The following ADGRG7 variants were observed in gnomAD, a reference collection of about 807,000 sequenced individuals.
ADGRG7 encodes the protein adhesion G protein-coupled receptor G7.
A neutral mutation model predicts 88.6 loss-of-function variants in ADGRG7; 82 were observed. That is an observed-to-expected ratio of 0.93 (90% CI 0.77 to 1.11). The LOEUF is 1.11. Among genes scored for constraint, ADGRG7 ranks in the 50% most tolerant of loss-of-function variants. The pLI is 0.00. For missense variants in ADGRG7, 945 were observed against 953.4 expected (o/e 0.99, Z 0.12); for synonymous variants, 381 against 345.2 (o/e 1.10, Z -1.15).
At position 100,672,253 on chromosome 3, in the gene ADGRG7, C is replaced by T. The variant is rs192737845; in HGVS notation, c.2136+3148C>T. 1.1e-4 allele frequency among the ~76,000 whole-genome samples: 16 copies of T among 152,262 alleles called. No homozygotes were observed. The East Asian group carries it at 3.1e-3, about 29-fold the overall frequency. Reference sequence around the variant, plus strand: ...TCCTTGAGCAGTAGCTTGCAGTTCTCCTTGAAGAGGTCCTTCACATACCTT... The same window carrying T: ...TCCTTGAGCAGTAGCTTGCAGTTCTTCTTGAAGAGGTCCTTCACATACCTT... On this transcript the variant is annotated intron_variant, in intron 15 of 15. Coordinates refer to ENST00000273352, the MANE Select transcript of ADGRG7 (RefSeq NM_032787.3).
intron 1 of ADGRG7, among the ~76,000 whole-genome samples, chr3:100,618,398 G>A (rs187855386): frequency 2.6e-5 from 4 of 152,282 alleles, no homozygotes; most frequent in African/African-American, 4.8e-5. Flanking sequence ...TTTGTATAAG[G>A]TATAAGCAAG....
At chr3:100,688,990 C>G (rs1049613436) in intron 15 of ADGRG7, among the ~76,000 whole-genome samples, 1 of 152,074 alleles carries the variant, frequency 6.6e-6, no homozygotes, top group Non-Finnish European at 1.5e-5. Flanking sequence ...TAAAATCTCC[C>G]GTTATTATTG....
intron 15 of ADGRG7, among the ~76,000 whole-genome samples, chr3:100,684,598 T>G (rs1354485799): frequency 6.6e-6 from 1 of 152,196 alleles, no homozygotes; most frequent in Non-Finnish European, 1.5e-5. Context: ...AATGTTAAAC[T>G]TTTGGCTATT....
chr3:100,610,566 G>A (rs190691239), intron 1 of ADGRG7, among the ~76,000 whole-genome samples: 1 of 152,130 alleles, frequency 6.6e-6, no homozygotes, highest in African/African-American at 2.4e-5. Context: ...TTAGTCCCCC[G>A]CTGTGTGCCA....
At chr3:100,661,098 G>T (rs76301540) in intron 14 of ADGRG7, among the ~76,000 whole-genome samples, 2,690 of 152,070 alleles carry the variant, frequency 0.018, 63 homozygotes, top group African/African-American at 0.06. Context: ...AACCTTTCTG[G>T]CTCCAAAAAG....
At chr3:100,642,797 T>A (rs957971093) in intron 6 of ADGRG7, among the ~76,000 whole-genome samples, 1 of 152,218 alleles carries the variant, frequency 6.6e-6, no homozygotes, top group Non-Finnish European at 1.5e-5. Context: ...GGTGGTTCCA[T>A]CTGAACTGTC....
In ADGRG7 at chr3:100,646,559, C is replaced by G; in HGVS notation, c.1111-10C>G. ...GAAACAGTAATTGTAATTGTCTTAT[C>G]AATTCATAGTACAACCAAAAAGAAT... On this transcript the variant is annotated splice_polypyrimidine_tract_variant and intron_variant, in intron 9 of 15. Transcript: ENST00000273352. 2 of 1,604,248 alleles carry G rather than the reference C, an allele frequency of 1.2e-6. No homozygotes were observed. Among genetic ancestry groups the G allele is most frequent in the East Asian group, 2.2e-5 (1 of 44,758 alleles).
intron 1 of ADGRG7, among the ~76,000 whole-genome samples, chr3:100,625,743 G>T (rs1289995153): frequency 6.6e-6 from 1 of 152,216 alleles, no homozygotes; most frequent in Non-Finnish European, 1.5e-5. Context: ...ATGAAGGGAT[G>T]TTGAATTTTT....
intron 15 of ADGRG7, among the ~76,000 whole-genome samples, chr3:100,672,922 G>A (rs1559687976): frequency 6.6e-6 from 1 of 152,146 alleles, no homozygotes; most frequent in East Asian, 1.9e-4. Flanking sequence ...TGATCATGAT[G>A]GATAAGCTTT....
intron 13 of ADGRG7, among the ~76,000 whole-genome samples, chr3:100,657,463 T>G (rs909294570): frequency 9.9e-5 from 15 of 152,228 alleles, no homozygotes; most frequent in African/African-American, 3.4e-4. Context: ...AGGGTGAATG[T>G]AGGGCAGGCC....
At chr3:100,662,732 C>CA (rs1158833573) in intron 14 of ADGRG7, among the ~76,000 whole-genome samples, 3 of 150,736 alleles carry the variant, frequency 2.0e-5, no homozygotes. Flanking sequence ...AAGTTGCTGC[C>CA]AAAAAGGAAA....
chr3:100,646,307 T>G (rs922216452), intron 9 of ADGRG7, 199 bp downstream of exon 9: 1 of 611,994 alleles, frequency 1.6e-6, no homozygotes, highest in Non-Finnish European at 2.8e-6. Context: ...AAAAGAAATC[T>G]ATAGCAAAAC....
At chr3:100,634,434 T>C (rs1222656036) in intron 4 of ADGRG7, among the ~76,000 whole-genome samples, 1 of 152,226 alleles carries the variant, frequency 6.6e-6, no homozygotes, top group Non-Finnish European at 1.5e-5. Context: ...TATTTAATTT[T>C]TATAACACCA....
At chr3:100,677,512 A>AC (rs1317882083) in intron 15 of ADGRG7, among the ~76,000 whole-genome samples, 1 of 152,084 alleles carries the variant, frequency 6.6e-6, no homozygotes, top group Non-Finnish European at 1.5e-5. Context: ...TATTTTACTT[A>AC]CTAATACCAG....
At chr3:100,653,950 C>G (rs1263617432) in intron 11 of ADGRG7, among the ~76,000 whole-genome samples, 2 of 152,066 alleles carry the variant, frequency 1.3e-5, no homozygotes, top group Non-Finnish European at 2.9e-5. Flanking sequence ...GGCTCGCAGA[C>G]ACTTTGAAGG....
In ADGRG7 at chr3:100,627,226, A is replaced by T. The variant is rs537851231; in HGVS notation, c.116-2372A>T. On this transcript the variant is annotated intron_variant, in intron 1 of 15. Coordinates refer to ENST00000273352, the MANE Select transcript of ADGRG7 (RefSeq NM_032787.3). Reference sequence around the variant, plus strand: ...TAGTAGGTTCTTCACAGGTGATTTTATCAGTTTGAAGATGTTCTGTTTTAT... The same window carrying T: ...TAGTAGGTTCTTCACAGGTGATTTTTTCAGTTTGAAGATGTTCTGTTTTAT... Among the ~76,000 whole-genome samples, 3 of 152,306 alleles carry T rather than the reference A, an allele frequency of 2.0e-5. No homozygotes were observed. In the East Asian group the frequency reaches 5.8e-4, roughly 29 times the overall value.
At chr3:100,671,458 T>A (rs1008674604) in intron 15 of ADGRG7, among the ~76,000 whole-genome samples, 3 of 152,252 alleles carry the variant, frequency 2.0e-5, no homozygotes, top group African/African-American at 7.2e-5. Flanking sequence ...ATTAGCCCTT[T>A]GTCAGATGGA....
chr3:100,691,634 A>C (rs1055090126), intron 15 of ADGRG7, among the ~76,000 whole-genome samples: 1 of 144,992 alleles, frequency 6.9e-6, no homozygotes, highest in Non-Finnish European at 1.5e-5. Flanking sequence ...TCCCATGATC[A>C]TATCTTATGT....
intron 15 of ADGRG7, among the ~76,000 whole-genome samples, chr3:100,686,895 A>G (rs896331479): frequency 6.6e-6 from 1 of 152,170 alleles, no homozygotes; most frequent in African/African-American, 2.4e-5. Flanking sequence ...ACTTTAAAGT[A>G]GTTTTTTCCA....
Sources: gnomAD v4.1 joint callset for allele counts (sites outside exome capture counted in the v4.1 genomes callset) on GRCh38, gnomAD v4.1.1 for gene constraint, MANE v1.5 for transcripts, NCBI Gene and HGNC (gene_info 2026-07-23, HGNC 2026-07-21) for gene names.